EVA1C: variants seen among roughly 807,000 people sequenced by gnomAD.
EVA1C encodes the protein eva-1 homolog C, also known as protein eva-1 homolog C.
Under a neutral mutation model 45.4 loss-of-function variants are expected in EVA1C, and 25 were observed. The observed-to-expected ratio is 0.55, with a 90% CI of 0.40 to 0.77. EVA1C has a LOEUF of 0.77. EVA1C is among the 30% of genes least tolerant of loss of function. The pLI is 0.00. For synonymous variants in EVA1C, 190 were observed against 221.2 expected, an observed-to-expected ratio of 0.86 and a Z score of 1.25; for missense variants, 479 against 554.8, an observed-to-expected ratio of 0.86 and a Z score of 1.37.
chr21:32,479,747 T>C (rs910751570), intron 4 of EVA1C, among the ~76,000 whole-genome samples: 1 of 151,830 alleles, frequency 6.6e-6, no homozygotes, highest in African/African-American at 2.4e-5. Flanking sequence ...GGCCAGGAGT[T>C]CAAGACCAGC....
chr21:32,465,671 T>C (rs1206864485), intron 3 of EVA1C, among the ~76,000 whole-genome samples: 3 of 152,086 alleles, frequency 2.0e-5, no homozygotes, highest in African/African-American at 7.2e-5. Flanking sequence ...CTAATTTTTG[T>C]AGTTTTAGTA....
chr21:32,504,064 G>C, intron 7 of EVA1C, 49 bp downstream of exon 7: 1 of 1,311,382 alleles, frequency 7.6e-7, no homozygotes, highest in Non-Finnish European at 1.1e-6. Flanking sequence ...ATTTACTAAA[G>C]TCTTGTTAAT....
At chr21:32,424,126 G>A (rs748067515) in intron 1 of EVA1C, among the ~76,000 whole-genome samples, 3 of 152,184 alleles carry the variant, frequency 2.0e-5, no homozygotes, top group Admixed American at 6.5e-5. Flanking sequence ...CATGCGATGC[G>A]TACTCGTGAC....
intron 1 of EVA1C, among the ~76,000 whole-genome samples, chr21:32,424,137 A>G (rs1477727751): frequency 3.3e-5 from 5 of 152,222 alleles, no homozygotes; most frequent in Admixed American, 3.3e-4. Context: ...TACTCGTGAC[A>G]GCTTTCAGAG....
At chr21:32,438,422 G>A (rs1052651408) in intron 1 of EVA1C, among the ~76,000 whole-genome samples, 11 of 140,846 alleles carry the variant, frequency 7.8e-5, no homozygotes, top group South Asian at 2.4e-4. Flanking sequence ...ACTTGAACCC[G>A]AGAGGCAGAG....
Position 32,482,569 on chromosome 21 carries a change from T to C in EVA1C, c.635-12458T>C, listed in dbSNP as rs189264480. Among the ~76,000 whole-genome samples the C allele has an allele frequency of 7.2e-5, 11 of 152,246 alleles. No homozygotes were observed. In the East Asian group the frequency reaches 2.1e-3, roughly 29 times the overall value. On this transcript the variant is annotated intron_variant, in intron 4 of 7. Coordinates refer to ENST00000300255, the MANE Select transcript of EVA1C (RefSeq NM_058187.5). ...AAGCCCAGGGCTCCCTGGAACATAA[T>C]TTGATGTTGGTGCTCTTGCAGAAGG...
At chr21:32,471,829 T>A (rs921979038) in intron 4 of EVA1C, among the ~76,000 whole-genome samples, 3 of 151,580 alleles carry the variant, frequency 2.0e-5, no homozygotes, top group African/African-American at 7.3e-5. Flanking sequence ...AGGGTTTCAC[T>A]ATGTTAGCCA....
At chr21:32,509,621 T>C (rs574438955) in intron 7 of EVA1C, among the ~76,000 whole-genome samples, 15 of 152,202 alleles carry the variant, frequency 9.9e-5, no homozygotes, top group South Asian at 6.2e-4. Context: ...AAGAGCAAGA[T>C]GGTTCCAGCC....
intron 1 of EVA1C, among the ~76,000 whole-genome samples, chr21:32,415,168 C>A (rs1161305670): frequency 6.6e-6 from 1 of 152,174 alleles, no homozygotes; most frequent in Non-Finnish European, 1.5e-5. Context: ...GGTCCTGTTC[C>A]TTTTTATGAA....
intron 4 of EVA1C, among the ~76,000 whole-genome samples, chr21:32,494,602 G>T (rs955016524): frequency 4.6e-5 from 7 of 152,120 alleles, no homozygotes; most frequent in Non-Finnish European, 8.8e-5. Flanking sequence ...TGCCAACATG[G>T]TGAAACCCCA....
rs539881571 is a variant in EVA1C, at chr21:32,466,179, G to A, written c.482-1517G>A. 2.0e-5 allele frequency among the ~76,000 whole-genome samples: 3 copies of A among 152,300 alleles called. No homozygotes were observed. In the South Asian group the frequency reaches 6.2e-4, roughly 32 times the overall value. ...CTCACGCCTGTAATCCCAGCACTTT[G>A]GGAGGCTGAAGCGGGTGGATCACGA... On this transcript the variant is annotated intron_variant, in intron 3 of 7. Transcript: ENST00000300255.
intron 1 of EVA1C, among the ~76,000 whole-genome samples, chr21:32,437,138 C>T (rs13049158): frequency 3.9e-5 from 6 of 152,212 alleles, no homozygotes; most frequent in African/African-American, 9.6e-5. Context: ...CCAGCCTGGG[C>T]GACAGAGCGA....
intron 1 of EVA1C, among the ~76,000 whole-genome samples, chr21:32,439,417 T>C (rs929362893): frequency 5.9e-5 from 9 of 152,250 alleles, no homozygotes; most frequent in Admixed American, 5.9e-4. Context: ...AATATGAAGC[T>C]GGAGGCCAGG....
At chr21:32,501,636 G>A (rs936346333) in intron 6 of EVA1C, 141 bp downstream of exon 6, 6 of 1,024,770 alleles carry the variant, frequency 5.9e-6, no homozygotes, top group Non-Finnish European at 6.7e-6. Flanking sequence ...GGTGATAATA[G>A]CGCTTATTAT....
intron 1 of EVA1C, among the ~76,000 whole-genome samples, chr21:32,446,232 GA>G (rs35135277): frequency 0.17 from 24,579 of 143,956 alleles, 2,237 homozygotes; most frequent in Admixed American, 0.25. Flanking sequence ...GACAGAAAAA[GA>G]AAAAAAAAAA....
At position 32,501,384 on chromosome 21, in the gene EVA1C, G is replaced by A. The variant is rs550292110; in HGVS notation, c.779-31G>A. 3.4e-5 allele frequency: 54 copies of A among 1,569,822 alleles called. No individual in the cohort carries two copies. The Middle Eastern group carries it at 9.2e-4, about 27-fold the overall frequency. On this transcript the variant is annotated intron_variant, in intron 5 of 7. Transcript: ENST00000300255. ...AGTCCACATTTTAAAAATATACCAC[G>A]AATTTAAAATATTTCTTTTTTGGCT...
At position 32,483,468 on chromosome 21, in the gene EVA1C, C is replaced by G. The variant is rs139540664; in HGVS notation, c.635-11559C>G. ...CATTCATGAAGACCCGCCAGAGTAG[C>G]TCCAGCAAGCCACTCCTTTAGACTG... On this transcript the variant is annotated intron_variant, in intron 4 of 7. Transcript: ENST00000300255. Among the ~76,000 whole-genome samples the G allele has an allele frequency of 7.6e-4, 116 of 152,282 alleles. No individual in the cohort carries two copies. The Middle Eastern group carries it at 0.01, about 13-fold the overall frequency.
At chr21:32,425,303 G>A (rs370861230) in intron 1 of EVA1C, among the ~76,000 whole-genome samples, 1 of 137,674 alleles carries the variant, frequency 7.3e-6, no homozygotes, top group East Asian at 2.2e-4. Context: ...CCACTGCACC[G>A]CAGCCTGGGA....
intron 7 of EVA1C, among the ~76,000 whole-genome samples, chr21:32,507,352 G>C (rs1272741143): frequency 6.6e-6 from 1 of 151,938 alleles, no homozygotes; most frequent in Non-Finnish European, 1.5e-5. Context: ...AAAAGGAGTG[G>C]TGTGTGTGTG....
Sources: allele counts gnomAD v4.1 joint callset (sites outside exome capture counted in the v4.1 genomes callset), GRCh38; gene constraint gnomAD v4.1.1; transcripts MANE v1.5; gene names NCBI Gene and HGNC (gene_info 2026-07-23, HGNC 2026-07-21).